PLCB1: variants seen among roughly 807,000 people sequenced by gnomAD.
The protein encoded by PLCB1 is 1-phosphatidylinositol 4,5-bisphosphate phosphodiesterase beta-1.
A neutral mutation model predicts 161.8 loss-of-function variants in PLCB1; 46 were observed. The observed-to-expected ratio is 0.28, with a 90% CI of 0.22 to 0.36. The LOEUF is 0.36. PLCB1 is among the 10% of genes least tolerant of loss of function. The pLI is 1.00. For missense variants in PLCB1, 1,016 were observed against 1,472.5 expected, an observed-to-expected ratio of 0.69 and a Z score of 5.07; for synonymous variants, 517 against 503.7, an observed-to-expected ratio of 1.03 and a Z score of -0.35.
chr20:8,353,602 C>T (rs926692125), intron 2 of PLCB1, among the ~76,000 whole-genome samples: 2 of 152,008 alleles, frequency 1.3e-5, no homozygotes, highest in African/African-American at 2.4e-5. Context: ...GGCATTTTAC[C>T]TCTGTGGTCT....
At chr20:8,633,005 G>A (rs144587597) in intron 4 of PLCB1, among the ~76,000 whole-genome samples, 3 of 151,834 alleles carry the variant, frequency 2.0e-5, no homozygotes, top group East Asian at 1.9e-4. Flanking sequence ...AAGCAGATTC[G>A]TTACCAAACT....
At chr20:8,380,446 A>G (rs886899250) in intron 3 of PLCB1, among the ~76,000 whole-genome samples, 7 of 152,150 alleles carry the variant, frequency 4.6e-5, no homozygotes, top group South Asian at 2.1e-4. Flanking sequence ...CTTTGATCCC[A>G]TATGAAATTT....
chr20:8,781,306 A>G (rs551950458), intron 27 of PLCB1, among the ~76,000 whole-genome samples: 13 of 152,290 alleles, frequency 8.5e-5, no homozygotes, highest in Middle Eastern at 3.4e-3. Context: ...CAAATAAGCA[A>G]AAGATGTTAG....
At chr20:8,334,436 A>G (rs1379252890) in intron 2 of PLCB1, among the ~76,000 whole-genome samples, 2 of 152,100 alleles carry the variant, frequency 1.3e-5, no homozygotes, top group African/African-American at 4.8e-5. Flanking sequence ...CATTATAAAT[A>G]TTCTTTTCCT....
chr20:8,511,736 C>A (rs936046230), intron 3 of PLCB1, among the ~76,000 whole-genome samples: 6 of 152,158 alleles, frequency 3.9e-5, no homozygotes, highest in Non-Finnish European at 7.4e-5. Context: ...GAGCTGATAT[C>A]TCACTGTTGT....
rs530548051 is a variant in PLCB1 at position 8,503,682 on chromosome 20, A to AT, written c.247-124603dup. On this transcript the variant is annotated intron_variant, in intron 3 of 31. Coordinates refer to ENST00000338037, the MANE Select transcript of PLCB1 (RefSeq NM_015192.4). The stretch of plus-strand genomic sequence containing the variant: ...ATCTCTGAAATTAGACATGACTGTG[A>AT]TTTTTTTTTAAAATAAGTGGATGTT... Among the ~76,000 whole-genome samples, 15 of 151,822 alleles carry AT rather than the reference A, an allele frequency of 9.9e-5. No homozygotes were observed. The East Asian group carries it at 1.7e-3, about 18-fold the overall frequency.
At chr20:8,635,240 C>T (rs570371392) in intron 4 of PLCB1, among the ~76,000 whole-genome samples, 5 of 149,076 alleles carry the variant, frequency 3.4e-5, no homozygotes, top group Non-Finnish European at 7.4e-5. Flanking sequence ...TCAATAAATG[C>T]GAGAGGTGTG....
At chr20:8,875,580 C>G (rs1471432568) in intron 31 of PLCB1, among the ~76,000 whole-genome samples, 1 of 149,384 alleles carries the variant, frequency 6.7e-6, no homozygotes, top group African/African-American at 2.4e-5. Context: ...ATATTAAGAT[C>G]TTTCATACAC....
intron 2 of PLCB1, among the ~76,000 whole-genome samples, chr20:8,182,004 A>T (rs2051848954): frequency 6.6e-6 from 1 of 152,132 alleles, no homozygotes; most frequent in Admixed American, 6.5e-5. Context: ...TAATACTGAT[A>T]TTTAAGAGAT....
chr20:8,679,015 A>T (rs1173549352), intron 9 of PLCB1, among the ~76,000 whole-genome samples: 3 of 152,186 alleles, frequency 2.0e-5, no homozygotes, highest in African/African-American at 7.2e-5. Context: ...GATGAATTTT[A>T]TGTGCCATGT....
chr20:8,756,961 C>A, intron 23 of PLCB1, 85 bp from the exon 24 acceptor site: 1 of 1,230,190 alleles, frequency 8.1e-7, no homozygotes, highest in Non-Finnish European at 1.1e-6. Flanking sequence ...TGTGAAGATG[C>A]TATAAAATGT....
chr20:8,363,946 T>C (rs748870795), intron 2 of PLCB1, among the ~76,000 whole-genome samples: 1 of 152,244 alleles, frequency 6.6e-6, no homozygotes, highest in Non-Finnish European at 1.5e-5. Flanking sequence ...ATTCTTGGTA[T>C]GCTGGTTCTC....
chr20:8,516,434 G>A (rs917687884), intron 3 of PLCB1, among the ~76,000 whole-genome samples: 1 of 152,060 alleles, frequency 6.6e-6, no homozygotes, highest in South Asian at 2.1e-4. Context: ...ATGGAGCAGA[G>A]AAGTGTCATC....
intron 3 of PLCB1, among the ~76,000 whole-genome samples, chr20:8,596,150 G>A (rs1987340388): frequency 1.3e-5 from 2 of 150,812 alleles, no homozygotes; most frequent in South Asian, 4.2e-4. Flanking sequence ...CATTGCTTTT[G>A]GTGTTTTGGA....
chr20:8,178,205 A>C (rs2051802795), intron 2 of PLCB1, among the ~76,000 whole-genome samples: 1 of 152,198 alleles, frequency 6.6e-6, no homozygotes, highest in Non-Finnish European at 1.5e-5. Flanking sequence ...TCCTTTGAGT[A>C]TATATCCAAT....
chr20:8,536,134 T>C (rs1985040967), intron 3 of PLCB1, among the ~76,000 whole-genome samples: 1 of 152,176 alleles, frequency 6.6e-6, no homozygotes, highest in Non-Finnish European at 1.5e-5. Context: ...AATAGCTAAC[T>C]GAAGTCATGT....
intron 31 of PLCB1, among the ~76,000 whole-genome samples, chr20:8,856,534 T>A (rs1440648969): frequency 6.6e-6 from 1 of 152,048 alleles, no homozygotes; most frequent in African/African-American, 2.4e-5. Flanking sequence ...TGAGAATTGC[T>A]TCAGCCAGGG....
intron 9 of PLCB1, among the ~76,000 whole-genome samples, chr20:8,678,289 T>TCAGAAC (rs1408817491): frequency 6.6e-6 from 1 of 152,228 alleles, no homozygotes; most frequent in African/African-American, 2.4e-5. Flanking sequence ...ATTATAGTAT[T>TCAGAAC]ACTGTCTCTG....
At chr20:8,467,133 G>C (rs2122704529) in intron 3 of PLCB1, among the ~76,000 whole-genome samples, 1 of 151,986 alleles carries the variant, frequency 6.6e-6, no homozygotes, top group East Asian at 1.9e-4. Context: ...TAGAGATGGG[G>C]TTTCACTATG....
Sources: gnomAD v4.1 joint callset for allele counts (sites outside exome capture counted in the v4.1 genomes callset) on GRCh38, gnomAD v4.1.1 for gene constraint, MANE v1.5 for transcripts, NCBI Gene and HGNC (gene_info 2026-07-23, HGNC 2026-07-21) for gene names.